Variants in TMEM132D observed in about 807,000 individuals in gnomAD.
The protein encoded by TMEM132D is transmembrane protein 132D, also known as mature OL transmembrane protein.
A neutral mutation model predicts 62.3 loss-of-function variants in TMEM132D; 21 were observed. That is an observed-to-expected ratio of 0.34 (90% CI 0.24 to 0.49). TMEM132D has a LOEUF of 0.49. Among genes scored for constraint, TMEM132D ranks in the 20% least tolerant of loss-of-function variants. The pLI, the probability that TMEM132D is intolerant of heterozygous loss-of-function variation, is 0.99. For missense variants in TMEM132D, 1,346 were observed against 1,402.8 expected, an observed-to-expected ratio of 0.96 and a Z score of 0.65; for synonymous variants, 621 against 575.6, an observed-to-expected ratio of 1.08 and a Z score of -1.13.
intron 3 of TMEM132D, among the ~76,000 whole-genome samples, chr12:129,473,335 T>TTTG (rs1052467578): frequency 8.0e-5 from 11 of 138,218 alleles, no homozygotes; most frequent in African/African-American, 1.3e-4. Flanking sequence ...TTTTTTTTTT[T>TTTG]TTTTTTTTTT....
intron 5 of TMEM132D, among the ~76,000 whole-genome samples, chr12:129,191,400 A>G (rs1386313272): frequency 6.6e-6 from 1 of 151,674 alleles, no homozygotes; most frequent in East Asian, 1.9e-4. Context: ...CATATAGAAT[A>G]CAGAATAGAG....
intron 2 of TMEM132D, among the ~76,000 whole-genome samples, chr12:129,639,075 T>G (rs1879574497): frequency 6.6e-6 from 1 of 151,990 alleles, no homozygotes; most frequent in Non-Finnish European, 1.5e-5. Flanking sequence ...AGAAAAATAT[T>G]AACTTTGAGA....
At chr12:129,126,910 C>A (rs1876230031) in intron 5 of TMEM132D, among the ~76,000 whole-genome samples, 1 of 152,150 alleles carries the variant, frequency 6.6e-6, no homozygotes, top group African/African-American at 2.4e-5. Flanking sequence ...GCTGAGATGC[C>A]CAGAGGGGTA....
intron 3 of TMEM132D, among the ~76,000 whole-genome samples, chr12:129,490,895 C>T (rs1375000136): frequency 6.6e-6 from 1 of 152,054 alleles, no homozygotes. Flanking sequence ...GCTTCACATC[C>T]AGTTTCTTTA....
rs146682182 is a variant in TMEM132D at position 129,074,127 on chromosome 12, C to G, written c.3048G>C (p.Leu1016=). The G allele has an allele frequency of 1.2e-6, 2 of 1,614,094 alleles. No homozygotes were observed. The highest frequency in any genetic ancestry group is 1.7e-6 in the Non-Finnish European group (2 of 1,180,004). The change falls in exon 9 of 9, where the codon CTG becomes CTC. Residue 1016 remains leucine (L), a synonymous_variant. Transcript: ENST00000422113. The part of the protein sequence containing the change: ...TNSQKSINGQ[L]FKPLGPIIID... ...TGATGATGGGTCCCAAAGGTTTGAACAGCTGCCCATTGATGCTTTTTTGGG... is the reference window on the plus strand; with the variant it reads ...TGATGATGGGTCCCAAAGGTTTGAAGAGCTGCCCATTGATGCTTTTTTGGG...
At chr12:129,818,918 C>A (rs1316038238) in intron 1 of TMEM132D, among the ~76,000 whole-genome samples, 4 of 151,904 alleles carry the variant, frequency 2.6e-5, no homozygotes, top group Non-Finnish European at 5.9e-5. Flanking sequence ...ACCTGTAGCC[C>A]CAGCTACTCA....
chr12:129,207,851 T>C (rs888655847), intron 5 of TMEM132D, among the ~76,000 whole-genome samples: 1 of 152,316 alleles, frequency 6.6e-6, no homozygotes, highest in East Asian at 1.9e-4. Context: ...TTTGTGGAGA[T>C]CAAATCAGTG....
At chr12:129,586,555 T>C (rs866854052) in intron 2 of TMEM132D, among the ~76,000 whole-genome samples, 1 of 152,120 alleles carries the variant, frequency 6.6e-6, no homozygotes, top group African/African-American at 2.4e-5. Flanking sequence ...TACCAGGCTG[T>C]AGACAACTGA....
chr12:129,355,380 TG>T (rs1870008612), intron 3 of TMEM132D, among the ~76,000 whole-genome samples: 3 of 142,494 alleles, frequency 2.1e-5, no homozygotes, highest in Admixed American at 2.1e-4. Context: ...ACCGCCTACG[TG>T]GGCAACTGGG....
intron 1 of TMEM132D, among the ~76,000 whole-genome samples, chr12:129,703,924 C>A (rs375618398): frequency 7.0e-4 from 98 of 140,852 alleles, no homozygotes; most frequent in Non-Finnish European, 7.2e-4. Flanking sequence ...CGGTAATAGG[C>A]AAAAAAAAAA....
intron 3 of TMEM132D, among the ~76,000 whole-genome samples, chr12:129,398,509 T>G (rs4460877): frequency 0.22 from 33,686 of 152,124 alleles, 3,891 homozygotes; most frequent in South Asian, 0.38. Flanking sequence ...ACCAGGAAAC[T>G]TGTTCATTCT....
At chr12:129,162,999 T>C (rs535483383) in intron 5 of TMEM132D, among the ~76,000 whole-genome samples, 17 of 152,278 alleles carry the variant, frequency 1.1e-4, no homozygotes, top group African/African-American at 3.4e-4. Flanking sequence ...ATTGACACTG[T>C]GTGGCTGCAA....
intron 1 of TMEM132D, among the ~76,000 whole-genome samples, chr12:129,808,017 A>G (rs953753120): frequency 6.6e-6 from 1 of 152,198 alleles, no homozygotes; most frequent in Non-Finnish European, 1.5e-5. Flanking sequence ...AGCAAAACTC[A>G]GAGTAGGGTT....
chr12:129,104,295 G>GC (rs1875413381), intron 5 of TMEM132D, among the ~76,000 whole-genome samples: 1 of 151,530 alleles, frequency 6.6e-6, no homozygotes, highest in East Asian at 1.9e-4. Flanking sequence ...ATGGGGAAAG[G>GC]ATTCCCTATT....
chr12:129,596,152 A>G lies in TMEM132D; in HGVS notation c.969-64947T>C, dbSNP rs116661866. On this transcript the variant is annotated intron_variant, in intron 2 of 8. Transcript: ENST00000422113. ...AATTGGGTATGGTTTTGTGGGCCAT[A>G]GTGGAGATGTTATCAGGAGTACAAT... Among the ~76,000 whole-genome samples the G allele has an allele frequency of 5.1e-3, 783 of 152,270 alleles. 6 individuals carry two copies. Among genetic ancestry groups the G allele is most frequent in the African/African-American group, 0.018 (747 of 41,542 alleles).
At chr12:129,217,002 T>C (rs1364726790) in intron 4 of TMEM132D, among the ~76,000 whole-genome samples, 1 of 152,162 alleles carries the variant, frequency 6.6e-6, no homozygotes, top group Non-Finnish European at 1.5e-5. Flanking sequence ...TTTTTTGTTG[T>C]TGTTGTTGTT....
At position 129,476,658 on chromosome 12, in the gene TMEM132D, G is replaced by A. The variant is rs186317155; in HGVS notation, c.1115+54401C>T. 3.9e-3 allele frequency among the ~76,000 whole-genome samples: 591 copies of A among 152,244 alleles called. 4 individuals carry two copies. Among genetic ancestry groups the A allele is most frequent in the African/African-American group, 0.013 (553 of 41,542 alleles). On this transcript the variant is annotated intron_variant, in intron 3 of 8. Coordinates refer to ENST00000422113, the MANE Select transcript of TMEM132D (RefSeq NM_133448.3). ...AGCCTGCCAAGTTGAAATACCATAA[G>A]GCGCGCTTTCTCCACCTCGACATTC...
At chr12:129,790,628 G>A (rs1432698235) in intron 1 of TMEM132D, among the ~76,000 whole-genome samples, 1 of 152,114 alleles carries the variant, frequency 6.6e-6, no homozygotes, top group Admixed American at 6.5e-5. Flanking sequence ...CAGGATGGGG[G>A]GGCAGGGCAG....
At chr12:129,261,338 T>A (rs1020932500) in intron 4 of TMEM132D, among the ~76,000 whole-genome samples, 1 of 152,204 alleles carries the variant, frequency 6.6e-6, no homozygotes, top group Non-Finnish European at 1.5e-5. Context: ...TTCCCTGTGC[T>A]GTTCTTGTGA....
Sources: allele counts gnomAD v4.1 joint callset (sites outside exome capture counted in the v4.1 genomes callset), GRCh38; gene constraint gnomAD v4.1.1; transcripts MANE v1.5; gene names NCBI Gene and HGNC (gene_info 2026-07-23, HGNC 2026-07-21).